The following ADA variants were observed in gnomAD, a reference collection of about 807,000 sequenced individuals.
The protein encoded by ADA is adenosine deaminase.
ADA carries 45 observed loss-of-function variants against 49.0 expected under a neutral mutation model. The ratio of observed to expected loss-of-function variants is 0.92; its 90% CI spans 0.72 to 1.18. ADA has a LOEUF of 1.18. Ranked by LOEUF, ADA falls within the 50% of genes most tolerant of loss-of-function variation. ADA has a pLI of 0.00. For missense variants in ADA, 445 were observed against 472.5 expected (o/e 0.94, Z 0.54); for synonymous variants, 173 against 184.2 (o/e 0.94, Z 0.49).
intron 9 of ADA, 123 bp downstream of exon 9, chr20:44,622,465 A>G (rs1253716007): frequency 7.6e-6 from 9 of 1,179,174 alleles, no homozygotes; most frequent in Non-Finnish European, 9.9e-6. Flanking sequence ...CCTGCTTCCC[A>G]GGGTGTCGAA....
rs1029393587 is a variant in ADA at position 44,630,698 on chromosome 20, C to G, written c.96-1529G>C. ...AAATTAGAAGATTAAATCAGGAGGTCCAAGCATCCAATTATCCACAAAGCA... is the reference window on the plus strand; with the variant it reads ...AAATTAGAAGATTAAATCAGGAGGTGCAAGCATCCAATTATCCACAAAGCA... On this transcript the variant is annotated intron_variant, in intron 2 of 11. Transcript: ENST00000372874. 5.3e-5 allele frequency among the ~76,000 whole-genome samples: 8 copies of G among 152,164 alleles called. No individual in the cohort carries two copies. The South Asian group carries it at 1.7e-3, about 31-fold the overall frequency.
At chr20:44,641,181 G>C (rs1416060390) in intron 1 of ADA, among the ~76,000 whole-genome samples, 2 of 152,176 alleles carry the variant, frequency 1.3e-5, no homozygotes, top group Non-Finnish European at 2.9e-5. Flanking sequence ...CCGGCTGCAA[G>C]TTAGGAGCAC....
intron 1 of ADA, among the ~76,000 whole-genome samples, chr20:44,641,360 C>T (rs1390544090): frequency 1.3e-5 from 2 of 152,076 alleles, no homozygotes; most frequent in Non-Finnish European, 2.9e-5. Context: ...GGGTAGAATC[C>T]ACATGGGAAT....
chr20:44,620,377 A>T lies in ADA; in HGVS notation c.1000T>A (p.Phe334Ile). ...RLNINAAKSS[F>I]LPEDEKRELL... ...TCCCTCTTTTCATCTTCTGGGAGGA[A>T]ACTAGATTTGGCCGCATTGATGTTC... Residue 334 changes from phenylalanine (F) to isoleucine (I), a missense_variant, in exon 11 of 12, where the codon TTC (phenylalanine) becomes ATC (isoleucine). Physicochemically the swap from Phe to Ile is conservative, Grantham distance 21 (BLOSUM62 0). Transcript: ENST00000372874. 1 of 1,614,212 alleles carries T rather than the reference A, an allele frequency of 6.2e-7. No homozygotes were observed. The highest frequency in any genetic ancestry group is 8.5e-7 in the Non-Finnish European group (1 of 1,180,042).
intron 10 of ADA, 115 bp from the exon 11 acceptor site, chr20:44,620,516 G>A (rs1260981794): frequency 1.1e-6 from 1 of 884,164 alleles, no homozygotes; most frequent in Non-Finnish European, 1.9e-6. Flanking sequence ...GCTTAGAGGG[G>A]GAAGGATTTG....
At chr20:44,621,590 G>T (rs1365940472) in intron 9 of ADA, among the ~76,000 whole-genome samples, 1 of 152,158 alleles carries the variant, frequency 6.6e-6, no homozygotes, top group Non-Finnish European at 1.5e-5. Flanking sequence ...CCACCATCTT[G>T]TTGTATCTAA....
intron 1 of ADA, 99 bp downstream of exon 1, chr20:44,651,476 T>C: frequency 8.2e-7 from 1 of 1,226,358 alleles, no homozygotes; most frequent in Non-Finnish European, 1.1e-6. Flanking sequence ...GAGCCCCCGT[T>C]CGTTCCCAGG....
chr20:44,648,173 C>A lies in ADA; in HGVS notation c.33+3402G>T, dbSNP rs763643700. 2.6e-5 allele frequency among the ~76,000 whole-genome samples: 4 copies of A among 152,126 alleles called. 1 individual carries two copies. Among genetic ancestry groups the A allele is most frequent in the Non-Finnish European group, 5.9e-5 (4 of 68,046 alleles). On this transcript the variant is annotated intron_variant, in intron 1 of 11. Coordinates refer to ENST00000372874, the MANE Select transcript of ADA (RefSeq NM_000022.4). ...ATGCAGAATGCCTGAGTGCCTGGTG[C>A]CACCTGTGAACATAGGCTGATAAGG...
chr20:44,640,748 G>GC (rs2065524886), intron 1 of ADA, among the ~76,000 whole-genome samples: 1 of 151,954 alleles, frequency 6.6e-6, no homozygotes, highest in Non-Finnish European at 1.5e-5. Context: ...TGGATTATCT[G>GC]GTTGGGCCCT....
At position 44,619,828 on chromosome 20, in the gene ADA, G is replaced by A; in HGVS notation, c.*6C>T. On this transcript the variant is annotated 3_prime_UTR_variant, in exon 12 of 12. Coordinates refer to ENST00000372874, the MANE Select transcript of ADA (RefSeq NM_000022.4). ...CACAGGGTGAAGGCTTGGAGGAGTGGCGTCTTCAGAGGTTCTGCCCTGCTC... is the reference window on the plus strand; with the variant it reads ...CACAGGGTGAAGGCTTGGAGGAGTGACGTCTTCAGAGGTTCTGCCCTGCTC... The A allele has an allele frequency of 4.3e-6, 7 of 1,614,192 alleles. No individual in the cohort carries two copies. The highest frequency in any genetic ancestry group is 5.1e-6 in the Non-Finnish European group (6 of 1,180,030).
chr20:44,637,516 T>A (rs1366574280), intron 1 of ADA, among the ~76,000 whole-genome samples: 1 of 152,118 alleles, frequency 6.6e-6, no homozygotes, highest in East Asian at 1.9e-4. Context: ...TGATGGAAGC[T>A]TTCCCCCTAG....
chr20:44,638,556 G>A lies in ADA; in HGVS notation c.34-2268C>T, dbSNP rs551393611. ...TACGCCACTGCACTCCAGCCTGGGC[G>A]ACAAGAGCGAAACTGCATCTCAAAA... On this transcript the variant is annotated intron_variant, in intron 1 of 11. Transcript: ENST00000372874. 5.3e-5 allele frequency among the ~76,000 whole-genome samples: 8 copies of A among 152,250 alleles called. No individual in the cohort carries two copies. The South Asian group carries it at 6.2e-4, about 12-fold the overall frequency.
chr20:44,635,133 T>C (rs891359978), intron 2 of ADA, among the ~76,000 whole-genome samples: 1 of 152,206 alleles, frequency 6.6e-6, no homozygotes, highest in Non-Finnish European at 1.5e-5. Flanking sequence ...GTCCCTGCCC[T>C]TAAAAGCTGG....
At chr20:44,644,679 A>G (rs2065572299) in intron 1 of ADA, among the ~76,000 whole-genome samples, 1 of 152,116 alleles carries the variant, frequency 6.6e-6, no homozygotes, top group African/African-American at 2.4e-5. Flanking sequence ...AGGCCAGGAG[A>G]CAGAGCAGCC....
chr20:44,626,247 C>T (rs2065381158), intron 4 of ADA: 2 of 702,898 alleles, frequency 2.8e-6, no homozygotes, highest in Non-Finnish European at 4.8e-6. Context: ...ACACTTGTGC[C>T]CAAGGTAAGA....
rs761098217 is a variant in ADA at position 44,622,844 on chromosome 20, T to C, written c.765A>G (p.Glu255=). Reference sequence around the variant, plus strand: ...GCCCGCTTACCTCGAAGTGCATGTTTTCCTGCCGCAGCCTGTTATAAAGGG... The same window carrying C: ...GCCCGCTTACCTCGAAGTGCATGTTCTCCTGCCGCAGCCTGTTATAAAGGG... ...DQALYNRLRQ[E]NMHFEICPWS... Residue 255 remains glutamate (E), a synonymous_variant, in exon 8 of 12, where the codon GAA becomes GAG. Coordinates refer to ENST00000372874, the MANE Select transcript of ADA (RefSeq NM_000022.4). The C allele has an allele frequency of 2.5e-6, 4 of 1,614,236 alleles. No homozygotes were observed. The highest frequency in any genetic ancestry group is 3.4e-6 in the Non-Finnish European group (4 of 1,180,032).
intron 8 of ADA, 22 bp downstream of exon 8, chr20:44,622,807 C>T (rs1476157642): frequency 5.6e-6 from 9 of 1,614,088 alleles, no homozygotes; most frequent in Non-Finnish European, 2.5e-6. Context: ...GATGGTTCCT[C>T]CCCACTCCCT....
At chr20:44,644,966 A>C (rs1471024325) in intron 1 of ADA, among the ~76,000 whole-genome samples, 1 of 152,222 alleles carries the variant, frequency 6.6e-6, no homozygotes, top group Non-Finnish European at 1.5e-5. Flanking sequence ...AGAGAGTGGG[A>C]GGACCTTGAG....
At chr20:44,630,987 TG>T (rs2065428249) in intron 2 of ADA, among the ~76,000 whole-genome samples, 1 of 152,094 alleles carries the variant, frequency 6.6e-6, no homozygotes, top group African/African-American at 2.4e-5. Context: ...CACTCCAGCT[TG>T]GGTGACAGAG....
Sources: gnomAD v4.1 joint callset for allele counts (sites outside exome capture counted in the v4.1 genomes callset) on GRCh38, gnomAD v4.1.1 for gene constraint, MANE v1.5 for transcripts, NCBI Gene and HGNC (gene_info 2026-07-23, HGNC 2026-07-21) for gene names.